SLC2A9: variants seen among roughly 807,000 people sequenced by gnomAD.
The protein encoded by SLC2A9 is solute carrier family 2, facilitated glucose transporter member 9.
In SLC2A9, 39 loss-of-function variants were observed where a neutral mutation model predicts 50.6. The observed-to-expected ratio is 0.77, with a 90% CI of 0.60 to 1.01. SLC2A9 has a LOEUF of 1.01. Among genes scored for constraint, SLC2A9 ranks in the 50% least tolerant of loss-of-function variants. SLC2A9 has a pLI of 0.00. For missense variants in SLC2A9, 686 were observed against 677.6 expected (o/e 1.01, Z -0.14); for synonymous variants, 324 against 276.9 (o/e 1.17, Z -1.69).
chr4:9,922,329 G>C (rs1048186778), intron 6 of SLC2A9, among the ~76,000 whole-genome samples: 14 of 152,054 alleles, frequency 9.2e-5, no homozygotes, highest in Admixed American at 7.9e-4. Flanking sequence ...GGGGTGGGGT[G>C]GGGGGAGGGA....
rs184241681 is a variant in SLC2A9 at position 9,910,865 on chromosome 4, G to A, written c.1003-2520C>T. Among the ~76,000 whole-genome samples the A allele has an allele frequency of 2.6e-3, 399 of 152,210 alleles. 2 individuals are homozygous for A. Among genetic ancestry groups the A allele is most frequent in the African/African-American group, 9.1e-3 (378 of 41,530 alleles). On this transcript the variant is annotated intron_variant, in intron 7 of 11. Coordinates refer to ENST00000264784, the MANE Select transcript of SLC2A9 (RefSeq NM_020041.3). ...CTTTTGCAGGGAAATTGATGAAGCT[G>A]GAAACCATCATTCTCAGCAAACTAA... is the stretch of plus-strand genomic sequence containing the variant.
chr4:9,817,224 A>G (rs987809178), intron 3 of SLC2A9, among the ~76,000 whole-genome samples: 2 of 152,194 alleles, frequency 1.3e-5, no homozygotes, highest in Non-Finnish European at 2.9e-5. Flanking sequence ...CTTTAATCAC[A>G]TCAGCCAAGC....
intron 5 of SLC2A9, among the ~76,000 whole-genome samples, chr4:9,956,644 A>G (rs1386827321): frequency 1.3e-5 from 2 of 152,202 alleles, no homozygotes; most frequent in Non-Finnish European, 2.9e-5. Context: ...CATTTATAAT[A>G]TGAATGTCTC....
chr4:10,007,063 T>A (rs1006166342), intron 2 of SLC2A9, among the ~76,000 whole-genome samples: 1 of 152,212 alleles, frequency 6.6e-6, no homozygotes, highest in African/African-American at 2.4e-5. Context: ...CTGCACCTTT[T>A]TCCTTTGCTG....
Position 9,908,228 on chromosome 4 carries a change from G to T in SLC2A9, c.1113+7C>A. On this transcript the variant is annotated splice_region_variant and intron_variant, in intron 8 of 11. Transcript: ENST00000264784. Reference sequence around the variant, plus strand: ...GCATTCTCAGGAGTAACCCTCAGTTGACTTACAGAGAAGACGGCAGCCAAA... The same window carrying T: ...GCATTCTCAGGAGTAACCCTCAGTTTACTTACAGAGAAGACGGCAGCCAAA... 5 of 1,599,670 alleles carry T rather than the reference G, an allele frequency of 3.1e-6. No homozygotes were observed. The highest frequency in any genetic ancestry group is 3.4e-6 in the Non-Finnish European group (4 of 1,166,778).
chr4:10,035,277 C>T (rs1764063197), intron 1 of SLC2A9: 1 of 152,226 alleles, frequency 6.6e-6, no homozygotes, highest in Admixed American at 6.5e-5. Flanking sequence ...CACTTCTCAA[C>T]AGAAGTGGAG....
chr4:10,022,837 G>A (rs1256157787), upstream of SLC2A9, among the ~76,000 whole-genome samples: 2 of 152,172 alleles, frequency 1.3e-5, no homozygotes, highest in South Asian at 2.1e-4. Context: ...AAGCAAGTGG[G>A]GAATCAAGAC....
intron 3 of SLC2A9, among the ~76,000 whole-genome samples, chr4:9,805,687 G>GTT (rs58280694): frequency 9.2e-4 from 108 of 117,802 alleles, no homozygotes; most frequent in African/African-American, 2.3e-3. Flanking sequence ...CAGGGTGTCA[G>GTT]TTTTTTTTTT....
chr4:9,775,678 C>T (rs917466564), downstream of SLC2A9, among the ~76,000 whole-genome samples: 37 of 152,102 alleles, frequency 2.4e-4, no homozygotes, highest in Admixed American at 7.9e-4. Context: ...GTTTTGGCCA[C>T]GTGATGTGCC....
At chr4:9,880,159 T>C in intron 10 of SLC2A9, 2 of 985,458 alleles carry the variant, frequency 2.0e-6, no homozygotes, top group South Asian at 4.7e-5. Flanking sequence ...AGATGCAAGA[T>C]GGTCTCATGG....
intron 10 of SLC2A9, among the ~76,000 whole-genome samples, chr4:9,873,660 T>G (rs1448565799): frequency 2.0e-5 from 3 of 152,186 alleles, no homozygotes; most frequent in Non-Finnish European, 4.4e-5. Context: ...GAGGCTACTT[T>G]GGACTAGCTG....
chr4:9,977,805 C>G (rs1755053569), intron 5 of SLC2A9, among the ~76,000 whole-genome samples: 1 of 152,134 alleles, frequency 6.6e-6, no homozygotes, highest in African/African-American at 2.4e-5. Context: ...TGGTCAATTG[C>G]CCTCCTGTGA....
At chr4:9,971,022 C>A (rs1412176208) in intron 5 of SLC2A9, among the ~76,000 whole-genome samples, 1 of 152,134 alleles carries the variant, frequency 6.6e-6, no homozygotes, top group Non-Finnish European at 1.5e-5. Flanking sequence ...TCAATCACGA[C>A]CCTTTCATGT....
intron 10 of SLC2A9, among the ~76,000 whole-genome samples, chr4:9,852,692 A>G (rs1249413904): frequency 1.3e-5 from 2 of 152,250 alleles, no homozygotes; most frequent in African/African-American, 2.4e-5. Flanking sequence ...CTGCCATATA[A>G]AAGTTCCTGA....
chr4:9,782,709 T>C (rs935559976), intron 3 of SLC2A9: 1 of 1,613,868 alleles, frequency 6.2e-7, no homozygotes, highest in Non-Finnish European at 8.5e-7. Context: ...ACCTACGCCA[T>C]CTCTTCCTCG....
chr4:9,911,391 TCA>T (rs1741764450), intron 7 of SLC2A9, among the ~76,000 whole-genome samples: 1 of 152,114 alleles, frequency 6.6e-6, no homozygotes, highest in Admixed American at 6.5e-5. Context: ...GTGACTGCCT[TCA>T]GCTTTACCTC....
intron 10 of SLC2A9, among the ~76,000 whole-genome samples, chr4:9,881,632 C>G (rs1185618403): frequency 6.6e-6 from 1 of 152,214 alleles, no homozygotes; most frequent in Admixed American, 6.5e-5. Flanking sequence ...AAAAGCCATT[C>G]TTTGCTGGTG....
intron 1 of SLC2A9, among the ~76,000 whole-genome samples, chr4:10,030,001 C>T (rs888337389): frequency 3.3e-5 from 5 of 151,970 alleles, no homozygotes; most frequent in African/African-American, 1.2e-4. Context: ...AAAGTAATCA[C>T]TATCTTAAGT....
chr4:10,008,304 G>A (rs1329186279), intron 2 of SLC2A9, among the ~76,000 whole-genome samples: 3 of 152,212 alleles, frequency 2.0e-5, no homozygotes, highest in South Asian at 2.1e-4. Flanking sequence ...GGGGGAGTTG[G>A]CACTCACAGC....
Sources: gnomAD v4.1 joint callset for allele counts (sites outside exome capture counted in the v4.1 genomes callset) on GRCh38, gnomAD v4.1.1 for gene constraint, MANE v1.5 for transcripts, NCBI Gene and HGNC (gene_info 2026-07-23, HGNC 2026-07-21) for gene names.